Variants in MCM3AP observed in about 807,000 individuals in gnomAD.
MCM3AP encodes minichromosome maintenance complex component 3 associated protein.
Under a neutral mutation model 184.1 loss-of-function variants are expected in MCM3AP, and 126 were observed. The observed-to-expected ratio is 0.68, with a 90% CI of 0.59 to 0.79. The LOEUF is 0.79. Among genes scored for constraint, MCM3AP ranks in the 30% least tolerant of loss-of-function variants. The pLI, the probability that MCM3AP is intolerant of heterozygous loss-of-function variation, is 0.00. For synonymous variants in MCM3AP, 1,002 were observed against 979.3 expected (o/e 1.02, Z -0.43); for missense variants, 2,496 against 2,479.2 (o/e 1.01, Z -0.14).
intron 13 of MCM3AP, among the ~76,000 whole-genome samples, chr21:46,262,617 G>A (rs1285570341): frequency 6.6e-6 from 1 of 151,764 alleles, no homozygotes; most frequent in Non-Finnish European, 1.5e-5. Flanking sequence ...TTCTGCACTC[G>A]GGTCTAGGTG....
chr21:46,238,099 CAAAAA>C (rs1173445702), intron 26 of MCM3AP, among the ~76,000 whole-genome samples: 1 of 33,942 alleles, frequency 2.9e-5, no homozygotes. Flanking sequence ...AACTCCATCT[CAAAAA>C]AAAAAAAAAA....
intron 20 of MCM3AP, 33 bp from the exon 21 acceptor site, chr21:46,246,919 C>T (rs1369213518): frequency 4.4e-6 from 7 of 1,603,808 alleles, no homozygotes; most frequent in African/African-American, 2.7e-5. Flanking sequence ...AGGAGAGATG[C>T]ACCATGGGAC....
At chr21:46,263,201 G>GT (rs2081064204) in intron 13 of MCM3AP, among the ~76,000 whole-genome samples, 1 of 151,694 alleles carries the variant, frequency 6.6e-6, no homozygotes, top group Non-Finnish European at 1.5e-5. Context: ...TTGGTGACAG[G>GT]TGCCTGTAAT....
intron 27 of MCM3AP, among the ~76,000 whole-genome samples, chr21:46,235,692 C>T (rs1443867753): frequency 6.6e-6 from 1 of 152,182 alleles, no homozygotes; most frequent in Non-Finnish European, 1.5e-5. Flanking sequence ...GGCTGGAACG[C>T]AGTGGTATGA....
Position 46,260,889 on chromosome 21 carries a change from T to G in MCM3AP, c.3485A>C (p.Glu1162Ala), listed in dbSNP as rs2081032756. The G allele has an allele frequency of 3.7e-6, 6 of 1,612,474 alleles. No individual in the cohort carries two copies. The East Asian group carries it at 1.1e-4, about 30-fold the overall frequency. The change falls in exon 15 of 28, where the codon GAG (glutamate) becomes GCG (alanine). Residue 1162 changes from glutamate (E) to alanine (A), a missense_variant. By Grantham distance (107) the Glu-to-Ala change is moderately radical. This residue lies in a region of MCM3AP where 1,323 missense variants were observed against 1,273.4 expected (regional missense o/e 1.04). Coordinates refer to ENST00000291688, the MANE Select transcript of MCM3AP (RefSeq NM_003906.5). ...CTGGCTCAGCTCACTTAACACCAGC[T>G]CTCTCTCTTGTTTCAACCTACAGGG... ...AEEERLKQER[E>A]LVLSELSQGL...
intron 20 of MCM3AP, chr21:46,247,123 C>CTTT: frequency 2.6e-6 from 1 of 378,318 alleles, no homozygotes; most frequent in Non-Finnish European, 4.8e-6. Context: ...TCCCCTCAAC[C>CTTT]TTTTTTTTTT....
intron 16 of MCM3AP, among the ~76,000 whole-genome samples, chr21:46,257,250 G>A (rs144480124): frequency 5.9e-5 from 9 of 152,090 alleles, no homozygotes; most frequent in Non-Finnish European, 8.8e-5. Flanking sequence ...CAAGGCGGGC[G>A]GACTGCCTGA....
At position 46,244,874 on chromosome 21, in the gene MCM3AP, G is replaced by C. The variant is rs2080737347; in HGVS notation, c.4971C>G (p.His1657Gln). Residue 1657 changes from histidine to glutamine, a missense_variant, in exon 23 of 28, where the codon CAC becomes CAG. This residue lies in a region of MCM3AP where 1,323 missense variants were observed against 1,273.4 expected (regional missense o/e 1.04). Coordinates refer to ENST00000291688, the MANE Select transcript of MCM3AP (RefSeq NM_003906.5). Reference protein sequence around the residue: ...LPHLHWNAPEHLAWLKQAVLG... With the variant: ...LPHLHWNAPEQLAWLKQAVLG... ...GCACAGCCTGCTTCAGCCAGGCCAG[G>C]TGCTCTGGGGCATTCCAGTGCAGGT... is the stretch of plus-strand genomic sequence containing the variant. The C allele has an allele frequency of 3.7e-6, 6 of 1,614,210 alleles. No individual in the cohort carries two copies. The African/African-American group carries it at 8.0e-5, about 22-fold the overall frequency.
chr21:46,254,891 G>A, intron 17 of MCM3AP, 47 bp from the exon 18 acceptor site: 6 of 1,407,132 alleles, frequency 4.3e-6, no homozygotes, highest in Non-Finnish European at 6.1e-6. Flanking sequence ...AGCTTAGTGA[G>A]AAGTACTGGC....
At chr21:46,266,274 T>G (rs2081111305) in intron 10 of MCM3AP, 108 bp from the exon 11 acceptor site, 5 of 1,239,010 alleles carry the variant, frequency 4.0e-6, no homozygotes, top group Non-Finnish European at 5.5e-6. Flanking sequence ...ACCACAGCCA[T>G]GTGTAAATAA....
chr21:46,244,181 G>A (rs1202270531), intron 23 of MCM3AP, among the ~76,000 whole-genome samples: 1 of 152,236 alleles, frequency 6.6e-6, no homozygotes, highest in Non-Finnish European at 1.5e-5. Context: ...GGCCCAAAGG[G>A]GAGTGTCTGT....
chr21:46,271,637 T>A (rs1343324856), intron 8 of MCM3AP, among the ~76,000 whole-genome samples: 2 of 152,012 alleles, frequency 1.3e-5, no homozygotes, highest in Non-Finnish European at 2.9e-5. Flanking sequence ...GGCAGGTGGA[T>A]CACCTGAGGT....
At chr21:46,246,930 G>C (rs200286327) in intron 20 of MCM3AP, 44 bp from the exon 21 acceptor site, 9 of 1,593,328 alleles carry the variant, frequency 5.6e-6, no homozygotes, top group Non-Finnish European at 7.7e-6. Flanking sequence ...ACCATGGGAC[G>C]CATCAGCAGT....
chr21:46,274,754 G>A (rs2081233383), intron 6 of MCM3AP, among the ~76,000 whole-genome samples: 2 of 151,868 alleles, frequency 1.3e-5, no homozygotes, highest in Admixed American at 6.6e-5. Flanking sequence ...TGGGCAACAC[G>A]GCAAGACCCC....
intron 16 of MCM3AP, among the ~76,000 whole-genome samples, 190 bp from the exon 17 acceptor site, chr21:46,257,176 T>A (rs1406696547): frequency 1.3e-5 from 2 of 152,150 alleles, no homozygotes; most frequent in Non-Finnish European, 2.9e-5. Flanking sequence ...GGATACAGAT[T>A]TAAGATACAT....
At chr21:46,239,085 G>C (rs982265178) in intron 26 of MCM3AP, among the ~76,000 whole-genome samples, 1 of 152,186 alleles carries the variant, frequency 6.6e-6, no homozygotes, top group African/African-American at 2.4e-5. Context: ...GAATGGAGGG[G>C]CTGGACAGTC....
intron 4 of MCM3AP, among the ~76,000 whole-genome samples, chr21:46,279,080 G>C (rs2081292165): frequency 6.6e-6 from 1 of 151,382 alleles, no homozygotes; most frequent in Non-Finnish European, 1.5e-5. Flanking sequence ...CTAGTCAGGA[G>C]TTCGAGACCA....
rs1297184126 is a variant in MCM3AP at position 46,285,070 on chromosome 21, A to C, written c.217T>G (p.Leu73Val). 1.2e-6 allele frequency: 2 copies of C among 1,614,232 alleles called. No individual in the cohort carries two copies. Among genetic ancestry groups the C allele is most frequent in the Non-Finnish European group, 1.7e-6 (2 of 1,180,024 alleles). ...ACACTTGAGGTTTGGGTGAACCCTAATGTTTGCACTGAAGAGGAATGACTT... is the reference window on the plus strand; with the variant it reads ...ACACTTGAGGTTTGGGTGAACCCTACTGTTTGCACTGAAGAGGAATGACTT... ...GVSHSSSVQT[L>V]GFTQTSSVGP... Residue 73 changes from leucine (L) to valine (V), a missense_variant, in exon 1 of 28, where the codon TTA becomes GTA. Coordinates refer to ENST00000291688, the MANE Select transcript of MCM3AP (RefSeq NM_003906.5).
chr21:46,241,242 A>G, intron 25 of MCM3AP: 1 of 528,068 alleles, frequency 1.9e-6, no homozygotes. Flanking sequence ...CACTGTAGGG[A>G]CCCTTATGCA....
Sources: allele counts gnomAD v4.1 joint callset (sites outside exome capture counted in the v4.1 genomes callset), GRCh38; gene constraint gnomAD v4.1.1; regional missense constraint gnomAD v4.1.1; transcripts MANE v1.5; gene names NCBI Gene and HGNC (gene_info 2026-07-23, HGNC 2026-07-21).